MUC6: variants seen among roughly 807,000 people sequenced by gnomAD.
MUC6 encodes the protein mucin-6.
Under a neutral mutation model 201.5 loss-of-function variants are expected in MUC6, and 188 were observed. That is an observed-to-expected ratio of 0.93 (90% confidence interval 0.83 to 1.05). MUC6 has a LOEUF of 1.05. Ranked by LOEUF, MUC6 falls within the 50% of genes least tolerant of loss-of-function variation. The pLI, the probability that MUC6 is intolerant of heterozygous loss-of-function variation, is 0.00. For synonymous variants in MUC6, 1,228 were observed against 1,389.4 expected (o/e 0.88, Z 2.58); for missense variants, 2,706 against 3,256.9 (o/e 0.83, Z 4.12).
Position 1,015,851 on chromosome 11 carries a change from C to T in MUC6, c.6950G>A (p.Arg2317Gln), listed in dbSNP as rs757773646. The change falls in exon 31 of 33, where the codon CGG becomes CAG. Residue 2317 changes from arginine to glutamine, a missense_variant. Around this residue, in one of 10 missense-constraint regions of MUC6, gnomAD observed 586 missense variants for 488.0 expected, o/e 1.20. Transcript: ENST00000421673. ...HPGPTLSPTT[R>Q]FLTSSLTAHG... is the part of the protein sequence containing the mutation. ...GGCAGTGAGGGAGCTGGTCAGGAAC[C>T]GTGTGGTAGGCGACAAGGTGGGACC... The T allele has an allele frequency of 3.1e-6, 5 of 1,603,824 alleles. No homozygotes were observed. The highest frequency in any genetic ancestry group is 2.7e-5 in the African/African-American group (2 of 74,764).
In MUC6 at chr11:1,027,816, C is replaced by T. The variant is rs762972317; in HGVS notation, c.1850G>A (p.Arg617Lys). 4 of 1,609,328 alleles carry T rather than the reference C, an allele frequency of 2.5e-6. No individual in the cohort carries two copies. Among genetic ancestry groups the T allele is most frequent in the Non-Finnish European group, 2.5e-6 (3 of 1,179,204 alleles). The change falls in exon 16 of 33, where the codon AGG becomes AAG. Residue 617 changes from arginine (R) to lysine (K), a missense_variant and splice_region_variant. Arg to Lys is a conservative substitution (Grantham distance 26). Coordinates refer to ENST00000421673, the MANE Select transcript of MUC6 (RefSeq NM_005961.3). ...GTAGTTGCAGGCCTGGTACACGCAC[C>T]TCTGCGGGCAGAGAGCCAGCATGGG... ...ATVNPAPFYK[R>K]CVYQACNYEE...
Position 1,031,840 on chromosome 11 carries a change from T to C in MUC6, c.329A>G (p.Glu110Gly), listed in dbSNP as rs370154957. Residue 110 changes from glutamate to glycine, a missense_variant, in exon 3 of 33, where the codon GAA (glutamate) becomes GGA (glycine). Physicochemically the swap from Glu to Gly is moderately conservative, Grantham distance 98 (BLOSUM62 -2). Coordinates refer to ENST00000421673, the MANE Select transcript of MUC6 (RefSeq NM_005961.3). The part of the protein sequence containing the change: ...ELGASVVTVS[E>G]AIISVKDIGV... ...GATGTCCTTGACTGAGATGATGGCTTCGCTCACAGTGACGACGGAGGCCCC... is the reference window on the plus strand; with the variant it reads ...GATGTCCTTGACTGAGATGATGGCTCCGCTCACAGTGACGACGGAGGCCCC... 39 of 1,611,084 alleles carry C rather than the reference T, an allele frequency of 2.4e-5. No individual in the cohort carries two copies. Among genetic ancestry groups the C allele is most frequent in the Non-Finnish European group, 2.9e-5 (34 of 1,179,344 alleles).
rs1856883261 is a variant in MUC6, at chr11:1,023,826, A to G, written c.3382+121T>C. 2.1e-6 allele frequency: 3 copies of G among 1,451,132 alleles called. No homozygotes were observed. The South Asian group carries it at 4.1e-5, about 20-fold the overall frequency. The allele number at this position is 1,451,132 out of a possible 1,614,324, so 89.9% of individuals were successfully genotyped here. On this transcript the variant is annotated intron_variant, in intron 25 of 32. Transcript: ENST00000421673. ...TGCGGGAGGGCCAGGGTGGCCCCGC[A>G]GGGCACAGCCCGGCGCCTGTCCAGG...
Position 1,031,270 on chromosome 11 carries a change from C to A in MUC6, c.484-11G>T. On this transcript the variant is annotated splice_polypyrimidine_tract_variant and intron_variant, in intron 4 of 32. Transcript: ENST00000421673. Reference sequence around the variant, plus strand: ...CCGCTCCACCAGAACCTGCGGGAGACGGCTCTGCTGGGGGCCCGGGGGCCA... The same window carrying A: ...CCGCTCCACCAGAACCTGCGGGAGAAGGCTCTGCTGGGGGCCCGGGGGCCA... 1 of 1,557,592 alleles carries A rather than the reference C, an allele frequency of 6.4e-7. No homozygotes were observed. The highest frequency in any genetic ancestry group is 1.4e-5 in the African/African-American group (1 of 73,274).
intron 31 of MUC6, 94 bp from the exon 32 acceptor site, chr11:1,014,095 T>A: frequency 9.6e-7 from 1 of 1,041,970 alleles, no homozygotes; most frequent in Non-Finnish European, 1.4e-6. Context: ...CCCACCTGTC[T>A]CTGGACTCTC....
chr11:1,035,667 C>T (rs1226057951), intron 1 of MUC6, among the ~76,000 whole-genome samples: 2 of 151,882 alleles, frequency 1.3e-5, no homozygotes, highest in Admixed American at 1.3e-4. Context: ...GCTTGGGTCG[C>T]CCTACAGTGG....
chr11:1,036,045 G>A (rs1246511675), intron 1 of MUC6, among the ~76,000 whole-genome samples: 1 of 152,068 alleles, frequency 6.6e-6, no homozygotes, highest in Non-Finnish European at 1.5e-5. Flanking sequence ...AGGGGAGCGC[G>A]GGGGAGAGGG....
chr11:1,024,455 CCT>C (rs1325064408), intron 24 of MUC6, among the ~76,000 whole-genome samples: 1 of 152,204 alleles, frequency 6.6e-6, no homozygotes, highest in African/African-American at 2.4e-5. Flanking sequence ...GTGCCCCCAT[CCT>C]CTCAGTTCTT....
At chr11:1,022,439 G>C (rs751414083) in intron 26 of MUC6, among the ~76,000 whole-genome samples, 4 of 152,214 alleles carry the variant, frequency 2.6e-5, no homozygotes, top group Non-Finnish European at 4.4e-5. Flanking sequence ...GCTGCTCCTG[G>C]CTGCTCCTCT....
Position 1,018,276 on chromosome 11 carries a change from T to A in MUC6, c.4525A>T (p.Thr1509Ser), listed in dbSNP as rs769287212. Residue 1509 changes from threonine (T) to serine (S), a missense_variant, in exon 31 of 33, where the codon ACC becomes TCC. Around this residue, in one of 10 missense-constraint regions of MUC6, gnomAD observed 128 missense variants for 206.5 expected, o/e 0.62. Coordinates refer to ENST00000421673, the MANE Select transcript of MUC6 (RefSeq NM_005961.3). ...CTGAATGAGCTGTGGGCTTGGCTGG[T>A]CCCACTGGTGGTCGGCGTTATTGGT... The part of the protein sequence containing the change: ...APPITPTTSG[T>S]SQAHSSFSTN... 6.2e-7 allele frequency: 1 copy of A among 1,613,864 alleles called. No homozygotes were observed. The highest frequency in any genetic ancestry group is 1.3e-5 in the African/African-American group (1 of 74,944).
In MUC6 at chr11:1,023,574, G is replaced by T. The variant is rs757656480; in HGVS notation, c.3461C>A (p.Thr1154Lys). The change falls in exon 26 of 33, where the codon ACG becomes AAG. Residue 1154 changes from threonine (T) to lysine (K), a missense_variant. Around this residue, in one of 10 missense-constraint regions of MUC6, gnomAD observed 1,850 missense variants for 1,958.3 expected, o/e 0.94. Transcript: ENST00000421673. The stretch of plus-strand genomic sequence containing the variant: ...GCAGAGGCAGGGCTGGTAGTGCCAC[G>T]TGCAGTTGGCCTCCTGTGTGTACTG... ...EYQYTQEANCTWHYQPCLCPS... is the reference protein window; with the variant it reads ...EYQYTQEANCKWHYQPCLCPS... 1 of 1,611,130 alleles carries T rather than the reference G, an allele frequency of 6.2e-7. No individual in the cohort carries two copies. Among genetic ancestry groups the T allele is most frequent in the Non-Finnish European group, 8.5e-7 (1 of 1,179,148 alleles).
chr11:1,025,299 C>T lies in MUC6; in HGVS notation c.2868G>A (p.Gly956=). ...CAAGGCTCAGCGCACCCGGCGTCAC[C>T]CCGAGCTGCACGTGGGGCTCCTCCC... ...VTGEEPHVQL[G]VTPGALSLVV... Residue 956 remains glycine (G), a synonymous_variant, in exon 23 of 33, where the codon GGG becomes GGA. Transcript: ENST00000421673. The T allele has an allele frequency of 6.2e-7, 1 of 1,612,676 alleles. No homozygotes were observed. The highest frequency in any genetic ancestry group is 2.2e-5 in the East Asian group (1 of 44,878).
chr11:1,021,991 C>T (rs905639544), intron 26 of MUC6, among the ~76,000 whole-genome samples: 9 of 151,782 alleles, frequency 5.9e-5, no homozygotes, highest in Admixed American at 3.3e-4. Context: ...CCCTCCCTCC[C>T]GGCCACACCC....
chr11:1,027,108 G>C, intron 18 of MUC6, 33 bp downstream of exon 18: 1 of 1,611,660 alleles, frequency 6.2e-7, no homozygotes. Flanking sequence ...GCCCCTCACA[G>C]TCCCAGCCTG....
intron 27 of MUC6, among the ~76,000 whole-genome samples, chr11:1,020,991 C>T (rs1359539128): frequency 2.0e-5 from 3 of 152,112 alleles, no homozygotes; most frequent in Non-Finnish European, 4.4e-5. Context: ...TGGGAGGGCC[C>T]AGTGGGGTTC....
In MUC6 at chr11:1,026,854, G is replaced by A. The variant is rs371858206; in HGVS notation, c.2394+87C>T. 9.4e-5 allele frequency: 123 copies of A among 1,307,154 alleles called. No homozygotes were observed. The African/African-American group carries it at 1.5e-3, about 16-fold the overall frequency. 81.0% of individuals were successfully genotyped at this position (1,307,154 alleles called of 1,614,324 possible). A position where few individuals can be genotyped will look rare whatever the true frequency, so the allele number is the denominator to read the frequency against. ...AGGCACCCGCTGCAGGGCAGAATGC[G>A]GCCAGGTCTCCCGGAGTTCTGTGGA... On this transcript the variant is annotated intron_variant, in intron 19 of 32. Transcript: ENST00000421673.
Position 1,024,957 on chromosome 11 carries a change from C to A in MUC6, c.3112G>T (p.Gly1038Trp). Residue 1038 changes from glycine to tryptophan, a missense_variant, in exon 24 of 33, where the codon GGG (glycine) becomes TGG (tryptophan). Transcript: ENST00000421673. ...VNSWKESPLC[G>W]DVSFVTDPCS... Reference sequence around the variant, plus strand: ...GGGTCTGTCACGAAGCTCACGTCCCCGCACAGCGGGCTCTCCTTCCACGAG... The same window carrying A: ...GGGTCTGTCACGAAGCTCACGTCCCAGCACAGCGGGCTCTCCTTCCACGAG... The A allele has an allele frequency of 6.2e-7, 1 of 1,613,076 alleles. No homozygotes were observed. Among genetic ancestry groups the A allele is most frequent in the Non-Finnish European group, 8.5e-7 (1 of 1,179,880 alleles).
rs1278717163 is a variant in MUC6, at chr11:1,017,219, G to A, written c.5582C>T (p.Thr1861Ile). The change falls in exon 31 of 33, where the codon ACA (threonine) becomes ATA (isoleucine). Residue 1861 changes from threonine (T) to isoleucine (I), a missense_variant. By Grantham distance (89) the Thr-to-Ile change is moderately conservative. This residue lies in a region of MUC6 where 20 missense variants were observed against 35.8 expected (regional missense o/e 0.56). Transcript: ENST00000421673. The stretch of plus-strand genomic sequence containing the variant: ...GATGGAGGCAGAAGTGGCCATCTGT[G>A]TGTGGGTAGGGATGATGACCGTGTG... ...STHTVIIPTHTQMATSASIHS... is the reference protein window; with the variant it reads ...STHTVIIPTHIQMATSASIHS... 5.0e-6 allele frequency: 8 copies of A among 1,609,836 alleles called. No individual in the cohort carries two copies. The highest frequency in any genetic ancestry group is 6.8e-6 in the Non-Finnish European group (8 of 1,178,348).
In MUC6 at chr11:1,016,526, G is replaced by C. The variant is rs988498431; in HGVS notation, c.6275C>G (p.Ser2092Cys). The C allele has an allele frequency of 6.2e-7, 1 of 1,613,428 alleles. No individual in the cohort carries two copies. Among genetic ancestry groups the C allele is most frequent in the African/African-American group, 1.3e-5 (1 of 74,882 alleles). Residue 2092 changes from serine to cysteine, a missense_variant, in exon 31 of 33, where the codon TCT (serine) becomes TGT (cysteine). Physicochemically the swap from Ser to Cys is moderately radical, Grantham distance 112 (BLOSUM62 -1). Coordinates refer to ENST00000421673, the MANE Select transcript of MUC6 (RefSeq NM_005961.3). The stretch of plus-strand genomic sequence containing the variant: ...TGAGCTAGAGTTCTGAGGCAGCCAA[G>C]ACGAGGAGGATATGAAGGAAGAAGA... ...TASSSFISSS[S>C]WLPQNSSSRP... is the part of the protein sequence containing the mutation.
Sources: allele counts gnomAD v4.1 joint callset (sites outside exome capture counted in the v4.1 genomes callset), GRCh38; gene constraint gnomAD v4.1.1; regional missense constraint gnomAD v4.1.1; transcripts MANE v1.5; gene names NCBI Gene and HGNC (gene_info 2026-07-23, HGNC 2026-07-21).